The following ECT2 variants were observed in gnomAD, a reference collection of about 807,000 sequenced individuals.
The protein encoded by ECT2 is protein ECT2.
Under a neutral mutation model 116.9 loss-of-function variants are expected in ECT2, and 61 were observed. The ratio of observed to expected loss-of-function variants is 0.52; its 90% CI spans 0.42 to 0.65. ECT2 has a LOEUF of 0.65. Ranked by LOEUF, ECT2 falls within the 30% of genes least tolerant of loss-of-function variation. The pLI is 0.00. For synonymous variants in ECT2, 358 were observed against 346.4 expected, an observed-to-expected ratio of 1.03 and a Z score of -0.37; for missense variants, 937 against 1,078.7, an observed-to-expected ratio of 0.87 and a Z score of 1.84.
rs776600254 is a variant in ECT2, at chr3:172,755,302, G to C, written c.138G>C (p.Met46Ile). The change falls in exon 3 of 25, where the codon ATG (methionine) becomes ATC (isoleucine). Residue 46 changes from methionine (M) to isoleucine (I), a missense_variant. Transcript: ENST00000392692. ...IGSTSYVEEE[M>I]PQIETRVILV... ...CATTTTACATTTTAACAGAAGAGATGCCTCAGATTGAAACAAGAGTGATAT... is the reference window on the plus strand; with the variant it reads ...CATTTTACATTTTAACAGAAGAGATCCCTCAGATTGAAACAAGAGTGATAT... The C allele has an allele frequency of 1.2e-6, 2 of 1,600,290 alleles. No homozygotes were observed. The highest frequency in any genetic ancestry group is 2.7e-5 in the African/African-American group (2 of 73,782).
intron 15 of ECT2, among the ~76,000 whole-genome samples, chr3:172,783,560 G>C (rs925453062): frequency 1.1e-4 from 17 of 151,198 alleles, no homozygotes; most frequent in Admixed American, 4.0e-4. Flanking sequence ...CATATCTTTT[G>C]TTTTTTTTCT....
At chr3:172,779,904 A>AAAAAG (rs1410797853) in intron 14 of ECT2, among the ~76,000 whole-genome samples, 1 of 151,996 alleles carries the variant, frequency 6.6e-6, no homozygotes, top group African/African-American at 2.4e-5. Flanking sequence ...TCAAAAAAAA[A>AAAAAG]AAAAAGAAAG....
chr3:172,759,039 C>G lies in ECT2; in HGVS notation c.546C>G (p.Cys182Trp). Residue 182 changes from cysteine to tryptophan, a missense_variant, in exon 6 of 25, where the codon TGC becomes TGG. Transcript: ENST00000392692. ...CAAGTATGATGAATCTAGTACTATG[C>G]TTTACTGGATTTAGGAAAAAAGAAG... ...YCTSMMNLVL[C>W]FTGFRKKEEL... 1 of 1,606,664 alleles carries G rather than the reference C, an allele frequency of 6.2e-7. No homozygotes were observed.
downstream of ECT2, among the ~76,000 whole-genome samples, chr3:172,825,010 T>C (rs1560043186): frequency 6.6e-6 from 1 of 152,210 alleles, no homozygotes; most frequent in Non-Finnish European, 1.5e-5. Context: ...GACTAGAGAT[T>C]TGTAGCAATG....
In ECT2 at chr3:172,762,915, C is replaced by T. The variant is rs145065176; in HGVS notation, c.1011C>T (p.Phe337=). 1.1e-5 allele frequency: 18 copies of T among 1,613,754 alleles called. No homozygotes were observed. In the East Asian group the frequency reaches 3.8e-4, roughly 34 times the overall value. The change falls in exon 11 of 25, where the codon TTC becomes TTT. Residue 337 remains phenylalanine, a synonymous_variant. Coordinates refer to ENST00000392692, the MANE Select transcript of ECT2 (RefSeq NM_001258315.2). The part of the protein sequence containing the change: ...KKLYVVKQEW[F]WGSIQMDARA... ...ATGTTTTTTCTCTCACCTAGTGGTT[C>T]TGGGGAAGCATTCAAATGGATGCCC...
chr3:172,828,864 T>C, the ECT2 span: 1 of 1,171,324 alleles, frequency 8.5e-7, no homozygotes. Context: ...GACGAGTGCC[T>C]GAGAGACGGG....
chr3:172,755,206 C>A, intron 2 of ECT2, 89 bp from the exon 3 acceptor site: 3 of 892,832 alleles, frequency 3.4e-6, no homozygotes, highest in Non-Finnish European at 4.9e-6. Flanking sequence ...AGATGTAATA[C>A]ATACTAGATA....
intron 14 of ECT2, among the ~76,000 whole-genome samples, chr3:172,775,454 T>G (rs1025381185): frequency 6.6e-6 from 1 of 152,196 alleles, no homozygotes; most frequent in African/African-American, 2.4e-5. Flanking sequence ...AAGAGAACTC[T>G]GAAGGAATCT....
At chr3:172,824,220 G>A (rs775352833), downstream of ECT2, among the ~76,000 whole-genome samples, 3 of 152,158 alleles carry the variant, frequency 2.0e-5, no homozygotes, top group Admixed American at 6.5e-5. Context: ...AAATACCTGA[G>A]ACTGGATAAT....
intron 18 of ECT2, among the ~76,000 whole-genome samples, chr3:172,801,478 T>C (rs1471778551): frequency 6.6e-6 from 1 of 152,224 alleles, no homozygotes; most frequent in African/African-American, 2.4e-5. Context: ...TAACTCTGAT[T>C]TTTTAACGTG....
At chr3:172,793,847 T>G (rs1725131232) in intron 18 of ECT2, among the ~76,000 whole-genome samples, 1 of 152,222 alleles carries the variant, frequency 6.6e-6, no homozygotes, top group Non-Finnish European at 1.5e-5. Flanking sequence ...GCATGACAAA[T>G]GATGTTAAAT....
At chr3:172,750,878 A>G (rs1473362166) in intron 1 of ECT2, 21 bp downstream of exon 1, 3 of 152,790 alleles carry the variant, frequency 2.0e-5, no homozygotes, top group African/African-American at 7.2e-5. Context: ...TGTGTGAGTG[A>G]GAGAGGTGCA....
At chr3:172,820,063 AAAT>A in intron 24 of ECT2, 82 bp from the exon 25 acceptor site, 1 of 910,594 alleles carries the variant, frequency 1.1e-6, no homozygotes, top group Non-Finnish European at 1.6e-6. Flanking sequence ...TAAAATGTAA[AAAT>A]AATAGGCATG....
chr3:172,801,273 T>G (rs2109006287), intron 18 of ECT2, among the ~76,000 whole-genome samples: 1 of 152,342 alleles, frequency 6.6e-6, no homozygotes, highest in South Asian at 2.1e-4. Flanking sequence ...GTTAAGTAGC[T>G]TGCAAACAGT....
At chr3:172,800,781 G>A (rs1416365230) in intron 18 of ECT2, among the ~76,000 whole-genome samples, 1 of 151,878 alleles carries the variant, frequency 6.6e-6, no homozygotes, top group East Asian at 1.9e-4. Flanking sequence ...CTTTCCTTTT[G>A]TACTTTCCTA....
At chr3:172,784,891 G>T in intron 17 of ECT2, 88 bp downstream of exon 17, 1 of 844,320 alleles carries the variant, frequency 1.2e-6, no homozygotes. Context: ...CATTTTTAGA[G>T]TTTCTTAGAT....
At position 172,807,841 on chromosome 3, in the gene ECT2, A is replaced by G. The variant is rs1364689301; in HGVS notation, c.2317A>G (p.Met773Val). The G allele has an allele frequency of 6.2e-7, 1 of 1,614,014 alleles. No individual in the cohort carries two copies. Among genetic ancestry groups the G allele is most frequent in the Non-Finnish European group, 8.5e-7 (1 of 1,179,884 alleles). The part of the protein sequence containing the change: ...EQANVLLSFQ[M>V]TSDELPKENW... ...GGCAAATGTGCTACTCAGTTTCCAG[A>G]TGACATCAGATGAACTTCCAAAAGA... The change falls in exon 22 of 25, where the codon ATG (methionine) becomes GTG (valine). Residue 773 changes from methionine to valine, a missense_variant. Physicochemically the swap from Met to Val is conservative, Grantham distance 21 (BLOSUM62 1). Coordinates refer to ENST00000392692, the MANE Select transcript of ECT2 (RefSeq NM_001258315.2).
chr3:172,755,301 T>G lies in ECT2; in HGVS notation c.137T>G (p.Met46Arg). The G allele has an allele frequency of 6.2e-7, 1 of 1,600,236 alleles. No homozygotes were observed. The highest frequency in any genetic ancestry group is 8.5e-7 in the Non-Finnish European group (1 of 1,176,620). ...ACATTTTACATTTTAACAGAAGAGA[T>G]GCCTCAGATTGAAACAAGAGTGATA... ...IGSTSYVEEE[M>R]PQIETRVILV... Residue 46 changes from methionine to arginine, a missense_variant, in exon 3 of 25, where the codon ATG (methionine) becomes AGG (arginine). Physicochemically the swap from Met to Arg is moderately conservative, Grantham distance 91. Transcript: ENST00000392692.
chr3:172,774,803 CTTTG>C (rs1721359186), intron 14 of ECT2, among the ~76,000 whole-genome samples: 3 of 152,152 alleles, frequency 2.0e-5, no homozygotes, highest in African/African-American at 7.2e-5. Flanking sequence ...TGCACCTAAC[CTTTG>C]TTTGCTGTTT....
Sources: allele counts gnomAD v4.1 joint callset (sites outside exome capture counted in the v4.1 genomes callset), GRCh38; gene constraint gnomAD v4.1.1; transcripts MANE v1.5; gene names NCBI Gene and HGNC (gene_info 2026-07-23, HGNC 2026-07-21).